The following SORCS1 variants were observed in gnomAD, a reference collection of about 807,000 sequenced individuals.
SORCS1 encodes sortilin related VPS10 domain containing receptor 1, also known as VPS10 domain-containing receptor SorCS1.
SORCS1 carries 60 observed loss-of-function variants against 146.1 expected under a neutral mutation model. The ratio of observed to expected loss-of-function variants is 0.41; its 90% CI spans 0.33 to 0.51. SORCS1 has a LOEUF of 0.51. SORCS1 is among the 20% of genes least tolerant of loss of function. The probability of loss-of-function intolerance (pLI) is 0.21; values close to 1 mark genes in which losing one functional copy is unlikely to be tolerated. For missense variants in SORCS1, 1,352 were observed against 1,487.6 expected (o/e 0.91, Z 1.50); for synonymous variants, 637 against 584.0 (o/e 1.09, Z -1.31).
chr10:106,908,828 T>G (rs74381925), intron 2 of SORCS1, among the ~76,000 whole-genome samples: 2,255 of 152,292 alleles, frequency 0.015, 35 homozygotes, highest in Non-Finnish European at 0.019. Context: ...CAAGAACGAA[T>G]CCAATCTACA....
At chr10:106,674,276 C>T (rs909179086) in intron 14 of SORCS1, among the ~76,000 whole-genome samples, 3 of 138,288 alleles carry the variant, frequency 2.2e-5, no homozygotes, top group East Asian at 2.1e-4. Flanking sequence ...CTGCAATGAG[C>T]CGAGATCATG....
intron 20 of SORCS1, 174 bp downstream of exon 20, chr10:106,620,254 G>C (rs1487761584): frequency 3.0e-6 from 2 of 677,512 alleles, no homozygotes; most frequent in East Asian, 3.2e-5. Flanking sequence ...GGGCCAGAGA[G>C]AGAGAGAGAG....
intron 19 of SORCS1, among the ~76,000 whole-genome samples, chr10:106,625,837 G>A (rs1360941483): frequency 1.3e-5 from 2 of 151,656 alleles, no homozygotes; most frequent in East Asian, 1.9e-4. Flanking sequence ...GACTGGCTGC[G>A]ACAAGGCAGC....
intron 3 of SORCS1, among the ~76,000 whole-genome samples, chr10:106,823,900 T>C (rs1948171228): frequency 6.6e-6 from 1 of 152,036 alleles, no homozygotes; most frequent in Admixed American, 6.6e-5. Flanking sequence ...AAGAAAAGAG[T>C]AGAATTTTAA....
At chr10:107,036,095 T>C (rs1409412818) in intron 1 of SORCS1, among the ~76,000 whole-genome samples, 1 of 151,964 alleles carries the variant, frequency 6.6e-6, no homozygotes, top group African/African-American at 2.4e-5. Context: ...CCCATCTGTA[T>C]GTATAGTTTC....
At chr10:106,604,380 G>A (rs902254851) in intron 23 of SORCS1, among the ~76,000 whole-genome samples, 1 of 152,154 alleles carries the variant, frequency 6.6e-6, no homozygotes. Flanking sequence ...CTGTCTCACA[G>A]GGTCTAGACA....
chr10:106,636,947 T>C (rs1393925193), intron 18 of SORCS1, among the ~76,000 whole-genome samples: 2 of 152,228 alleles, frequency 1.3e-5, no homozygotes, highest in East Asian at 1.9e-4. Flanking sequence ...CAAAGAACTT[T>C]GTAAGCTTCG....
rs1270865149 is a variant in SORCS1 at position 106,576,476 on chromosome 10, T to C, written c.*944A>G. On this transcript the variant is annotated 3_prime_UTR_variant, in exon 26 of 26. Coordinates refer to ENST00000263054, the MANE Select transcript of SORCS1 (RefSeq NM_052918.5). The stretch of plus-strand genomic sequence containing the variant: ...ACAAACAAATGTGAAGACAGGACAA[T>C]GGGTAACTAATGGGATTCCATTTCC... The C allele has an allele frequency of 6.6e-6, 1 of 152,168 alleles. No individual in the cohort carries two copies. Among genetic ancestry groups the C allele is most frequent in the African/African-American group, 2.4e-5 (1 of 41,426 alleles). 9.4% of individuals were successfully genotyped at this position (152,168 alleles called of 1,614,324 possible).
At chr10:107,012,124 C>T (rs1489123600) in intron 1 of SORCS1, among the ~76,000 whole-genome samples, 1 of 152,138 alleles carries the variant, frequency 6.6e-6, no homozygotes, top group African/African-American at 2.4e-5. Flanking sequence ...CCTCCAAGAC[C>T]TTGTCTAAGA....
At chr10:106,803,036 G>A (rs531324000) in intron 3 of SORCS1, among the ~76,000 whole-genome samples, 1 of 152,280 alleles carries the variant, frequency 6.6e-6, no homozygotes, top group South Asian at 2.1e-4. Flanking sequence ...TCTCCCTTCT[G>A]ATTAGGGAGA....
chr10:106,918,965 T>C (rs11193099), intron 2 of SORCS1, among the ~76,000 whole-genome samples: 15,128 of 152,154 alleles, frequency 0.099, 1,209 homozygotes, highest in African/African-American at 0.23. Flanking sequence ...GCCTCCCATG[T>C]AGCTGGGACC....
intron 2 of SORCS1, among the ~76,000 whole-genome samples, chr10:106,935,631 A>G (rs1339376238): frequency 6.6e-6 from 1 of 152,268 alleles, no homozygotes; most frequent in Non-Finnish European, 1.5e-5. Flanking sequence ...GTAGAATGTT[A>G]GAGCTAGGTT....
intron 1 of SORCS1, among the ~76,000 whole-genome samples, chr10:107,042,219 G>A (rs1959172042): frequency 6.6e-6 from 1 of 152,144 alleles, no homozygotes; most frequent in South Asian, 2.1e-4. Flanking sequence ...CTGTCTTTGA[G>A]TCTGGTGTAA....
intron 2 of SORCS1, among the ~76,000 whole-genome samples, chr10:106,953,074 A>T (rs1954771960): frequency 1.3e-5 from 2 of 152,158 alleles, no homozygotes; most frequent in Non-Finnish European, 2.9e-5. Flanking sequence ...TAGTCACACC[A>T]GTATATGACA....
chr10:107,146,905 T>C (rs527319917), intron 1 of SORCS1, among the ~76,000 whole-genome samples: 7 of 152,306 alleles, frequency 4.6e-5, no homozygotes, highest in South Asian at 2.1e-4. Context: ...TGTACTCATG[T>C]CTAGCGAATA....
At chr10:107,166,929 G>T (rs930608416), upstream of SORCS1, among the ~76,000 whole-genome samples, 1 of 152,228 alleles carries the variant, frequency 6.6e-6, no homozygotes, top group African/African-American at 2.4e-5. Context: ...CAAAATGGAA[G>T]CGCTTCCTGA....
chr10:107,165,022 G>C (rs1376724680), upstream of SORCS1, among the ~76,000 whole-genome samples: 1 of 151,656 alleles, frequency 6.6e-6, no homozygotes, highest in Non-Finnish European at 1.5e-5. The surrounding 1 kb of genome is among the most constrained non-coding windows in gnomAD (Gnocchi z 4.0). Flanking sequence ...GGTCGACCCC[G>C]GGCTCCCGGA....
At chr10:106,636,226 C>T (rs960262630) in intron 18 of SORCS1, among the ~76,000 whole-genome samples, 1 of 151,758 alleles carries the variant, frequency 6.6e-6, no homozygotes, top group Middle Eastern at 3.2e-3. Context: ...CACCACTGCA[C>T]TCCAGCCTGG....
intron 18 of SORCS1, among the ~76,000 whole-genome samples, chr10:106,642,356 G>T (rs1358667811): frequency 6.6e-6 from 1 of 152,166 alleles, no homozygotes; most frequent in Admixed American, 6.5e-5. Flanking sequence ...ACCTAGCAGG[G>T]ACCTCTAGGT....
Sources: allele counts gnomAD v4.1 joint callset (sites outside exome capture counted in the v4.1 genomes callset), GRCh38; gene constraint gnomAD v4.1.1; non-coding constraint Gnocchi (gnomAD v3.1); transcripts MANE v1.5; gene names NCBI Gene and HGNC (gene_info 2026-07-23, HGNC 2026-07-21).